Variants in PTPRB observed in about 807,000 individuals in gnomAD.
PTPRB encodes receptor-type tyrosine-protein phosphatase beta.
PTPRB carries 97 observed loss-of-function variants against 238.1 expected under a neutral mutation model. That is an observed-to-expected ratio of 0.41 (90% CI 0.35 to 0.48). The LOEUF is 0.48. Ranked by LOEUF, PTPRB falls within the 20% of genes least tolerant of loss-of-function variation. The pLI, the probability that PTPRB is intolerant of heterozygous loss-of-function variation, is 0.30. For missense variants in PTPRB, 2,292 were observed against 2,681.9 expected (o/e 0.85, Z 3.21); for synonymous variants, 970 against 995.4 (o/e 0.97, Z 0.48).
intron 32 of PTPRB, among the ~76,000 whole-genome samples, chr12:70,526,189 C>T (rs1872411408): frequency 6.6e-6 from 1 of 151,956 alleles, no homozygotes; most frequent in Admixed American, 6.6e-5. Flanking sequence ...TAGATAAGAA[C>T]ATTTAATTTA....
rs201920788 is a variant in PTPRB at position 70,563,119 on chromosome 12, G to A, written c.3905-12C>T. 4.0e-4 allele frequency: 640 copies of A among 1,603,568 alleles called. No individual in the cohort carries two copies. Among genetic ancestry groups the A allele is most frequent in the Non-Finnish European group, 5.1e-4 (596 of 1,173,530 alleles). ...GACAGCTGCTGGGACTGGAAAAGTC[G>A]AGGAGCAAGAGAATGAGGGAGGGAA... On this transcript the variant is annotated splice_polypyrimidine_tract_variant and intron_variant, in intron 15 of 33. Transcript: ENST00000334414.
intron 8 of PTPRB, among the ~76,000 whole-genome samples, chr12:70,588,906 T>C (rs543954075): frequency 1.9e-4 from 29 of 152,220 alleles, no homozygotes; most frequent in Non-Finnish European, 3.2e-4. Flanking sequence ...CGAGCCGAGA[T>C]TGTACCACTG....
chr12:70,566,622 A>G lies in PTPRB; in HGVS notation c.3717T>C (p.Gly1239=). The change falls in exon 15 of 34, where the codon GGT becomes GGC. Residue 1239 remains glycine, a synonymous_variant. Transcript: ENST00000334414. ...GCAGGATATCATATCTTTCTGCCAC[A>G]CCAGCAGCTTTTTGCCAACTTACTA... ...SLIVSWQKAA[G]VAERYDILLL... 1.2e-6 allele frequency: 2 copies of G among 1,614,020 alleles called. No individual in the cohort carries two copies. Among genetic ancestry groups the G allele is most frequent in the Non-Finnish European group, 1.7e-6 (2 of 1,179,900 alleles).
intron 32 of PTPRB, among the ~76,000 whole-genome samples, chr12:70,525,990 G>T (rs575192134): frequency 6.6e-6 from 1 of 152,170 alleles, no homozygotes; most frequent in Non-Finnish European, 1.5e-5. Context: ...GGCAATCAGT[G>T]TAGTCAGTCT....
At chr12:70,529,439 A>C (rs1872850867) in intron 32 of PTPRB, among the ~76,000 whole-genome samples, 1 of 152,182 alleles carries the variant, frequency 6.6e-6, no homozygotes, top group Non-Finnish European at 1.5e-5. Context: ...CCCAAGTTAC[A>C]AATTAATTAG....
At chr12:70,630,819 C>T (rs1331527913) in intron 2 of PTPRB, among the ~76,000 whole-genome samples, 7 of 152,134 alleles carry the variant, frequency 4.6e-5, no homozygotes, top group African/African-American at 9.7e-5. Flanking sequence ...GAATGAACTC[C>T]CATTCACAAT....
intron 14 of PTPRB, among the ~76,000 whole-genome samples, chr12:70,568,652 G>C (rs899208625): frequency 2.0e-5 from 3 of 152,128 alleles, no homozygotes; most frequent in South Asian, 2.1e-4. Context: ...TGCAGATATA[G>C]ATATAAATAT....
rs374137314 is a variant in PTPRB, at chr12:70,609,243, G to A, written c.805C>T (p.Pro269Ser). ...CTATAGATGAGGCTAAAGTTACAGG[G>A]TGAGCCCAAAATTCTCCACTGGATA... Reference protein sequence around the residue: ...VSIQWRILGSPCNFSLIYSSD... With the variant: ...VSIQWRILGSSCNFSLIYSSD... Residue 269 changes from proline (P) to serine (S), a missense_variant, in exon 4 of 34, where the codon CCC becomes TCC. By Grantham distance (74) the Pro-to-Ser change is moderately conservative (BLOSUM62 -1). Transcript: ENST00000334414. 6.2e-7 allele frequency: 1 copy of A among 1,614,040 alleles called. No individual in the cohort carries two copies. Among genetic ancestry groups the A allele is most frequent in the African/African-American group, 1.3e-5 (1 of 75,060 alleles).
intron 3 of PTPRB, among the ~76,000 whole-genome samples, chr12:70,616,712 TTC>T (rs1313549875): frequency 6.6e-6 from 1 of 152,204 alleles, no homozygotes; most frequent in East Asian, 1.9e-4. Context: ...CCCATTGCCA[TTC>T]TCTCTCCCCA....
intron 13 of PTPRB, among the ~76,000 whole-genome samples, chr12:70,570,278 T>G (rs1006806128): frequency 6.6e-6 from 1 of 152,176 alleles, no homozygotes. Context: ...GTTTCTTCAT[T>G]AGGAAAAATG....
Position 70,571,631 on chromosome 12 carries a change from A to G in PTPRB, c.3106+193T>C, listed in dbSNP as rs145201636. Among the ~76,000 whole-genome samples, 14 of 152,272 alleles carry G rather than the reference A, an allele frequency of 9.2e-5. 1 individual carries two copies. In the East Asian group the frequency reaches 2.7e-3, roughly 29 times the overall value. On this transcript the variant is annotated intron_variant, in intron 12 of 33. Transcript: ENST00000334414. ...CATTTAGCCTTCTTGCTCCCTCACT[A>G]TGTTTGCTTTTATCTACCAATAAAT...
intron 31 of PTPRB, among the ~76,000 whole-genome samples, chr12:70,532,618 T>C (rs910092095): frequency 1.3e-5 from 2 of 152,108 alleles, no homozygotes; most frequent in East Asian, 1.9e-4. Context: ...TCCTTCCTTC[T>C]TTCTTTCTCT....
At chr12:70,530,956 T>C (rs1460749660) in intron 32 of PTPRB, among the ~76,000 whole-genome samples, 1 of 152,252 alleles carries the variant, frequency 6.6e-6, no homozygotes, top group African/African-American at 2.4e-5. Context: ...ATAATGAAAG[T>C]ACTCCCAGCC....
At chr12:70,581,737 C>T (rs1881420450) in intron 9 of PTPRB, among the ~76,000 whole-genome samples, 1 of 151,820 alleles carries the variant, frequency 6.6e-6, no homozygotes, top group Admixed American at 6.6e-5. Context: ...TATGGTCTAG[C>T]AAACTGATTA....
intron 10 of PTPRB, among the ~76,000 whole-genome samples, chr12:70,577,003 A>G (rs1325491371): frequency 6.6e-6 from 1 of 152,220 alleles, no homozygotes; most frequent in African/African-American, 2.4e-5. Context: ...AAGGGAACAA[A>G]TATTTCAACA....
intron 10 of PTPRB, among the ~76,000 whole-genome samples, chr12:70,577,444 T>C (rs1485272943): frequency 1.3e-5 from 2 of 152,178 alleles, no homozygotes; most frequent in Admixed American, 6.5e-5. Context: ...AGTTCTCTGG[T>C]TGGAGGTATA....
At chr12:70,529,692 C>A (rs1302516624) in intron 32 of PTPRB, among the ~76,000 whole-genome samples, 1 of 152,052 alleles carries the variant, frequency 6.6e-6, no homozygotes, top group African/African-American at 2.4e-5. Context: ...AATTCTGCAA[C>A]CTTTGATGAA....
rs188487104 is a variant in PTPRB, at chr12:70,569,779, A to G, written c.3530T>C (p.Phe1177Ser). 115 of 1,613,850 alleles carry G rather than the reference A, an allele frequency of 7.1e-5. No individual in the cohort carries two copies. The East Asian group carries it at 2.4e-3, about 34-fold the overall frequency. ...CTCCAGTCTGTGGAACGTGTGCTCA[A>G]AGACGTGCTTGGGAATAGTCTGAGA... ...VDSQTIPKHV[F>S]EHTFHRLEAG... The change falls in exon 14 of 34, where the codon TTT becomes TCT. Residue 1177 changes from phenylalanine to serine, a missense_variant. Around this residue, in one of 4 missense-constraint regions of PTPRB, gnomAD observed 683 missense variants for 862.0 expected, o/e 0.79. Coordinates refer to ENST00000334414, the MANE Select transcript of PTPRB (RefSeq NM_001109754.4).
chr12:70,588,109 A>AAAG (rs1555232484), intron 8 of PTPRB, among the ~76,000 whole-genome samples: 3 of 136,972 alleles, frequency 2.2e-5, no homozygotes, highest in Non-Finnish European at 4.9e-5. Context: ...AAAAAAAAAA[A>AAAG]AAAAGAAAAG....
Sources: gnomAD v4.1 joint callset for allele counts (sites outside exome capture counted in the v4.1 genomes callset) on GRCh38, gnomAD v4.1.1 for gene constraint, gnomAD v4.1.1 regional missense constraint, MANE v1.5 for transcripts, NCBI Gene and HGNC (gene_info 2026-07-23, HGNC 2026-07-21) for gene names.